CNTN5: variants seen among roughly 807,000 people sequenced by gnomAD.
CNTN5 encodes the protein contactin 5, also known as contactin-5.
In CNTN5, 77 loss-of-function variants were observed where a neutral mutation model predicts 129.1. That is an observed-to-expected ratio of 0.60 (90% CI 0.50 to 0.72). The LOEUF (loss-of-function observed/expected upper bound fraction) is 0.72, where lower values mean the gene tolerates loss of function less well. Ranked by LOEUF, CNTN5 falls within the 30% of genes least tolerant of loss-of-function variation. CNTN5 has a pLI of 0.00. For synonymous variants in CNTN5, 509 were observed against 465.6 expected (o/e 1.09, Z -1.20); for missense variants, 1,478 against 1,328.8 (o/e 1.11, Z -1.75).
chr11:99,406,694 A>T (rs1341512398), intron 2 of CNTN5, among the ~76,000 whole-genome samples: 1 of 152,112 alleles, frequency 6.6e-6, no homozygotes, highest in African/African-American at 2.4e-5. Context: ...GGAGCCAGGG[A>T]CTATAGCCAA....
At chr11:100,309,088 G>T in intron 21 of CNTN5, 1 of 985,068 alleles carries the variant, frequency 1.0e-6, no homozygotes, top group Non-Finnish European at 1.2e-6. Context: ...AACAAGGTTT[G>T]GCTTCTCACA....
intron 1 of CNTN5, among the ~76,000 whole-genome samples, chr11:99,319,312 A>G (rs541379188): frequency 1.1e-4 from 16 of 152,334 alleles, no homozygotes; most frequent in African/African-American, 3.4e-4. Context: ...CACATGACTC[A>G]ACTGATCTCC....
At chr11:99,851,746 T>A (rs1224594569) in intron 6 of CNTN5, among the ~76,000 whole-genome samples, 2 of 152,238 alleles carry the variant, frequency 1.3e-5, no homozygotes, top group African/African-American at 4.8e-5. Flanking sequence ...TTGAAGCAGT[T>A]GATTAAAATA....
chr11:99,322,404 A>G (rs936657955), intron 1 of CNTN5, among the ~76,000 whole-genome samples: 1 of 152,178 alleles, frequency 6.6e-6, no homozygotes, highest in Non-Finnish European at 1.5e-5. Flanking sequence ...AACACAAAAA[A>G]TTATCAGGAA....
At position 100,350,727 on chromosome 11, in the gene CNTN5, G is replaced by A; in HGVS notation, c.3056G>A (p.Ser1019Asn). The change falls in exon 24 of 25, where the codon AGC (serine) becomes AAC (asparagine). Residue 1019 changes from serine to asparagine, a missense_variant. Ser to Asn is a conservative substitution (Grantham distance 46). Coordinates refer to ENST00000524871, the MANE Select transcript of CNTN5 (RefSeq NM_014361.4). ...GTTTTTTATAGGCAAGAGGGTCACAGCAACAGCCAAGTTATTGAAACACAG... is the reference window on the plus strand; with the variant it reads ...GTTTTTTATAGGCAAGAGGGTCACAACAACAGCCAAGTTATTGAAACACAG... Reference protein sequence around the residue: ...YKVFYRQEGHSNSQVIETQKL... With the variant: ...YKVFYRQEGHNNSQVIETQKL... 6.2e-6 allele frequency: 10 copies of A among 1,607,392 alleles called. No individual in the cohort carries two copies. The highest frequency in any genetic ancestry group is 1.1e-5 in the South Asian group (1 of 90,242).
chr11:99,590,513 T>C (rs946066523), intron 3 of CNTN5, among the ~76,000 whole-genome samples: 12 of 152,242 alleles, frequency 7.9e-5, no homozygotes, highest in Non-Finnish European at 1.6e-4. Flanking sequence ...ACACAGTACT[T>C]GATATAATAG....
intron 3 of CNTN5, among the ~76,000 whole-genome samples, chr11:99,740,521 A>T (rs1312646422): frequency 2.0e-5 from 3 of 152,158 alleles, no homozygotes; most frequent in African/African-American, 4.8e-5. Context: ...AAATGTGGAG[A>T]GACTGTGTGT....
chr11:99,513,864 G>A (rs1946939367), intron 2 of CNTN5, among the ~76,000 whole-genome samples: 1 of 152,064 alleles, frequency 6.6e-6, no homozygotes, highest in Non-Finnish European at 1.5e-5. Flanking sequence ...CCATTCTGTA[G>A]CCCATGGATC....
chr11:99,801,257 C>T (rs554485683), intron 3 of CNTN5, among the ~76,000 whole-genome samples: 3 of 152,124 alleles, frequency 2.0e-5, no homozygotes, highest in African/African-American at 4.8e-5. Context: ...TGAAAATAGG[C>T]CTCCAGTCTC....
intron 2 of CNTN5, among the ~76,000 whole-genome samples, chr11:99,344,890 T>C (rs112778393): frequency 1.3e-5 from 2 of 152,334 alleles, no homozygotes; most frequent in Admixed American, 6.5e-5. Context: ...AAGACCATAG[T>C]ATATTTTAAG....
intron 13 of CNTN5, among the ~76,000 whole-genome samples, chr11:100,083,056 C>A (rs1004412677): frequency 6.6e-6 from 1 of 151,990 alleles, no homozygotes; most frequent in African/African-American, 2.4e-5. Context: ...TGGTTCACAC[C>A]GGTAATCCCA....
intron 1 of CNTN5, among the ~76,000 whole-genome samples, chr11:99,188,036 A>C (rs190933876): frequency 3.9e-5 from 6 of 152,000 alleles, no homozygotes; most frequent in Admixed American, 2.6e-4. Flanking sequence ...CTTGGCATAT[A>C]GTAACACCAT....
At chr11:99,449,935 C>A (rs1269514970) in intron 2 of CNTN5, among the ~76,000 whole-genome samples, 8 of 152,072 alleles carry the variant, frequency 5.3e-5, no homozygotes, top group Non-Finnish European at 1.2e-4. Flanking sequence ...ATTCTACTGA[C>A]CAAATTAAGA....
In CNTN5 at chr11:99,388,363, C is replaced by T. The variant is rs187777327; in HGVS notation, c.-71+62879C>T. On this transcript the variant is annotated intron_variant, in intron 2 of 24. Transcript: ENST00000524871. ...CAAGGAAGCAGAGGTTGTAGTGAGC[C>T]GAGATCACACCATTGCACTTCAGCC... 5.1e-5 allele frequency among the ~76,000 whole-genome samples: 7 copies of T among 138,562 alleles called. No individual in the cohort carries two copies. The East Asian group carries it at 1.1e-3, about 21-fold the overall frequency. The allele number at this position is 138,562 out of a possible 152,430, so 90.9% of individuals were successfully genotyped here. A position where few individuals can be genotyped will look rare whatever the true frequency, so the allele number is the denominator to read the frequency against.
chr11:99,560,533 C>A (rs565404885), intron 3 of CNTN5, among the ~76,000 whole-genome samples: 1 of 151,972 alleles, frequency 6.6e-6, no homozygotes, highest in African/African-American at 2.4e-5. Flanking sequence ...TCAGGTGATC[C>A]GCCTGCCTCG....
chr11:99,507,873 A>G (rs560898138), intron 2 of CNTN5, among the ~76,000 whole-genome samples: 1 of 152,362 alleles, frequency 6.6e-6, no homozygotes, highest in South Asian at 2.1e-4. Context: ...TAGTAAGTTC[A>G]AGATAAATAA....
At chr11:99,793,117 T>C (rs1945810758) in intron 3 of CNTN5, among the ~76,000 whole-genome samples, 1 of 151,916 alleles carries the variant, frequency 6.6e-6, no homozygotes, top group Admixed American at 6.6e-5. Flanking sequence ...TGGAGTGCAG[T>C]GGCGCAATCT....
At chr11:99,422,516 T>TTATA (rs1406225482) in intron 2 of CNTN5, among the ~76,000 whole-genome samples, 1 of 100,426 alleles carries the variant, frequency 1.0e-5, no homozygotes, top group South Asian at 3.3e-4. Context: ...TACTTTATAT[T>TTATA]TTTATATATA....
chr11:99,026,822 C>T (rs541180382), intron 1 of CNTN5, among the ~76,000 whole-genome samples: 23 of 151,680 alleles, frequency 1.5e-4, no homozygotes, highest in African/African-American at 4.3e-4. Flanking sequence ...ATGGCTTATA[C>T]TTCATTTTAG....
Sources: allele counts gnomAD v4.1 joint callset (sites outside exome capture counted in the v4.1 genomes callset), GRCh38; gene constraint gnomAD v4.1.1; transcripts MANE v1.5; gene names NCBI Gene and HGNC (gene_info 2026-07-23, HGNC 2026-07-21).